DOK5: variants seen among roughly 807,000 people sequenced by gnomAD.
DOK5 encodes the protein docking protein 5, also known as downstream of tyrosine kinase 5.
DOK5 carries 27 observed loss-of-function variants against 43.3 expected under a neutral mutation model. The observed-to-expected ratio is 0.62, with a 90% CI of 0.46 to 0.86. DOK5 has a LOEUF of 0.86. Ranked by LOEUF, DOK5 falls within the 40% of genes least tolerant of loss-of-function variation. The probability of loss-of-function intolerance (pLI) is 0.00; values close to 1 mark genes in which losing one functional copy is unlikely to be tolerated. For missense variants in DOK5, 373 were observed against 392.9 expected (o/e 0.95, Z 0.43); for synonymous variants, 146 against 140.1 (o/e 1.04, Z -0.30).
chr20:54,509,635 A>T (rs887656195), intron 1 of DOK5, among the ~76,000 whole-genome samples: 5 of 152,204 alleles, frequency 3.3e-5, no homozygotes, highest in African/African-American at 1.2e-4. Context: ...AGCAGGAACA[A>T]ATGAAAGGGT....
intron 1 of DOK5, among the ~76,000 whole-genome samples, chr20:54,548,406 A>AT (rs956813498): frequency 8.3e-4 from 120 of 144,532 alleles, no homozygotes; most frequent in South Asian, 5.5e-3. Flanking sequence ...TAATTTTTGT[A>AT]TTTTTTTTTT....
intron 1 of DOK5, among the ~76,000 whole-genome samples, chr20:54,489,687 C>A (rs1262722205): frequency 2.6e-5 from 4 of 151,980 alleles, no homozygotes; most frequent in Non-Finnish European, 5.9e-5. Context: ...CAGTTTTTGG[C>A]CAGCTCACAC....
intron 2 of DOK5, among the ~76,000 whole-genome samples, chr20:54,557,097 T>A (rs568418031): frequency 7.2e-4 from 110 of 152,202 alleles, no homozygotes; most frequent in African/African-American, 2.6e-3. Context: ...ACTACTGGGG[T>A]CCTAGGCAGT....
intron 1 of DOK5, among the ~76,000 whole-genome samples, chr20:54,524,800 T>G (rs1212875943): frequency 6.6e-6 from 1 of 152,210 alleles, no homozygotes. Context: ...CTAAGACAGT[T>G]TGCATGCTCT....
At position 54,630,401 on chromosome 20, in the gene DOK5, A is replaced by G. The variant is rs577089361; in HGVS notation, c.736-13057A>G. Among the ~76,000 whole-genome samples, 6 of 152,304 alleles carry G rather than the reference A, an allele frequency of 3.9e-5. 1 individual carries two copies. The highest frequency in any genetic ancestry group is 1.4e-4 in the African/African-American group (6 of 41,572). ...GAGGAAACCTGTACTCGGAAGGGGA[A>G]GAGGTTGAGGGGAGAGGAGTATGAG... On this transcript the variant is annotated intron_variant, in intron 6 of 7. Coordinates refer to ENST00000262593, the MANE Select transcript of DOK5 (RefSeq NM_018431.5).
At chr20:54,581,600 A>G (rs1985644692) in intron 2 of DOK5, among the ~76,000 whole-genome samples, 1 of 151,914 alleles carries the variant, frequency 6.6e-6, no homozygotes, top group African/African-American at 2.4e-5. Flanking sequence ...CAAATATTTC[A>G]TCCACTTGGT....
rs546855816 is a variant in DOK5 at position 54,486,547 on chromosome 20, T to C, written c.66+10535T>C. Reference sequence around the variant, plus strand: ...CTACTAGAAATCTTTCTGGGATACTTTCTCATTTTACACACACACACATGC... The same window carrying C: ...CTACTAGAAATCTTTCTGGGATACTCTCTCATTTTACACACACACACATGC... On this transcript the variant is annotated intron_variant, in intron 1 of 7. Coordinates refer to ENST00000262593, the MANE Select transcript of DOK5 (RefSeq NM_018431.5). 4.0e-5 allele frequency among the ~76,000 whole-genome samples: 6 copies of C among 151,730 alleles called. No homozygotes were observed. The East Asian group carries it at 9.7e-4, about 24-fold the overall frequency.
intron 1 of DOK5, among the ~76,000 whole-genome samples, chr20:54,531,477 G>A (rs1055659141): frequency 6.6e-6 from 1 of 152,168 alleles, no homozygotes; most frequent in South Asian, 2.1e-4. Flanking sequence ...ACAAATCAGA[G>A]TAAGAATGCC....
At chr20:54,530,953 C>T (rs2146705829) in intron 1 of DOK5, among the ~76,000 whole-genome samples, 1 of 152,292 alleles carries the variant, frequency 6.6e-6, no homozygotes, top group South Asian at 2.1e-4. Context: ...TTATGAGGAA[C>T]ACTCTTGTCA....
intron 1 of DOK5, among the ~76,000 whole-genome samples, chr20:54,551,982 C>T (rs1278171292): frequency 6.6e-6 from 1 of 152,094 alleles, no homozygotes; most frequent in African/African-American, 2.4e-5. Context: ...CATGTGCCAC[C>T]ACTCCCAGCT....
At chr20:54,562,137 C>T (rs929152288) in intron 2 of DOK5, among the ~76,000 whole-genome samples, 3 of 152,214 alleles carry the variant, frequency 2.0e-5, no homozygotes, top group African/African-American at 7.2e-5. Flanking sequence ...AAGATAGAAA[C>T]CATGCTTTAT....
At position 54,605,010 on chromosome 20, in the gene DOK5, A is replaced by T. The variant is rs1986420105; in HGVS notation, c.600-5378A>T. ...GAGCAAGACTGTGTCTCAAAAAAAA[A>T]AAATATATATATATACACACACACA... is the stretch of plus-strand genomic sequence containing the variant. On this transcript the variant is annotated intron_variant, in intron 5 of 7. Coordinates refer to ENST00000262593, the MANE Select transcript of DOK5 (RefSeq NM_018431.5). Among the ~76,000 whole-genome samples the T allele has an allele frequency of 3.5e-5, 5 of 141,762 alleles. No individual in the cohort carries two copies. The South Asian group carries it at 8.4e-4, about 24-fold the overall frequency. 93.0% of individuals were successfully genotyped at this position (141,762 alleles called of 152,430 possible).
chr20:54,478,113 AG>A, intron 1 of DOK5, among the ~76,000 whole-genome samples: 1 of 152,226 alleles, frequency 6.6e-6, no homozygotes. Flanking sequence ...TTGCTCATGG[AG>A]AGAAAAGGTC....
chr20:54,638,212 G>A (rs935268779), intron 6 of DOK5, among the ~76,000 whole-genome samples: 1 of 152,112 alleles, frequency 6.6e-6, no homozygotes, highest in Non-Finnish European at 1.5e-5. Context: ...ACAAAACAGT[G>A]AAATGATGAG....
At chr20:54,603,217 C>T (rs7269966) in intron 5 of DOK5, among the ~76,000 whole-genome samples, 26,613 of 152,188 alleles carry the variant, frequency 0.17, 4,317 homozygotes, top group African/African-American at 0.43. Flanking sequence ...TGTGTTATCT[C>T]ACATCAATTC....
intron 2 of DOK5, among the ~76,000 whole-genome samples, chr20:54,573,075 T>C (rs376401264): frequency 4.6e-5 from 7 of 152,080 alleles, no homozygotes; most frequent in African/African-American, 1.4e-4. Flanking sequence ...AAGCAAAATA[T>C]GTAGAGTATT....
intron 1 of DOK5, among the ~76,000 whole-genome samples, chr20:54,546,991 G>A (rs549459554): frequency 6.6e-6 from 1 of 152,244 alleles, no homozygotes; most frequent in South Asian, 2.1e-4. Flanking sequence ...TTCCACAGAA[G>A]GCATAATTAC....
intron 1 of DOK5, among the ~76,000 whole-genome samples, chr20:54,506,714 G>T (rs1463281853): frequency 6.6e-6 from 1 of 152,152 alleles, no homozygotes; most frequent in East Asian, 1.9e-4. Context: ...TCCCTCCTTG[G>T]CCTCTCAAAG....
chr20:54,486,606 A>C (rs1981945894), intron 1 of DOK5, among the ~76,000 whole-genome samples: 1 of 151,996 alleles, frequency 6.6e-6, no homozygotes, highest in Non-Finnish European at 1.5e-5. Flanking sequence ...TTGGTGCATT[A>C]GTTTATTTTT....
Sources: allele counts gnomAD v4.1 joint callset (sites outside exome capture counted in the v4.1 genomes callset), GRCh38; gene constraint gnomAD v4.1.1; transcripts MANE v1.5; gene names NCBI Gene and HGNC (gene_info 2026-07-23, HGNC 2026-07-21).